Variants in MMD2 observed in about 807,000 individuals in gnomAD.
MMD2 encodes the protein monocyte to macrophage differentiation associated 2.
A neutral mutation model predicts 33.5 loss-of-function variants in MMD2; 30 were observed. The ratio of observed to expected loss-of-function variants is 0.90; its 90% CI spans 0.67 to 1.22. The LOEUF is 1.22. MMD2 is among the 50% of genes most tolerant of loss of function. The pLI is 0.00. For missense variants in MMD2, 364 were observed against 325.4 expected (o/e 1.12, Z -0.91); for synonymous variants, 129 against 123.0 (o/e 1.05, Z -0.32).
rs1316728396 is a variant in MMD2, at chr7:4,906,447, A to G, written c.*949T>C. On this transcript the variant is annotated 3_prime_UTR_variant, in exon 7 of 7. Transcript: ENST00000401401. ...AAGAGAGAATCCAAATGTTGGCATC[A>G]CAAACCTTAAGTATGGAGCAGGGAG... 1 of 398,564 alleles carries G rather than the reference A, an allele frequency of 2.5e-6. No individual in the cohort carries two copies. The highest frequency in any genetic ancestry group is 2.1e-5 in the African/African-American group (1 of 48,656). 24.7% of individuals were successfully genotyped at this position (398,564 alleles called of 1,614,324 possible).
At chr7:4,925,969 C>T (rs535646204) in intron 1 of MMD2, among the ~76,000 whole-genome samples, 5 of 152,070 alleles carry the variant, frequency 3.3e-5, no homozygotes, top group African/African-American at 1.2e-4. Flanking sequence ...CCACGCCAGG[C>T]TAATTCTTGT....
At chr7:4,896,578 T>C in the MMD2 span, among the ~76,000 whole-genome samples, 2 of 152,174 alleles carry the variant, frequency 1.3e-5, no homozygotes, top group Non-Finnish European at 2.9e-5. Flanking sequence ...TGCATGAACA[T>C]GCTTTCAACT....
At chr7:4,895,234 G>A in the MMD2 span, among the ~76,000 whole-genome samples, 1 of 151,998 alleles carries the variant, frequency 6.6e-6, no homozygotes, top group African/African-American at 2.4e-5. Context: ...CCACCACCAT[G>A]CCTGGCTAAT....
chr7:4,898,679 C>T, the MMD2 span, among the ~76,000 whole-genome samples: 1 of 152,176 alleles, frequency 6.6e-6, no homozygotes. Flanking sequence ...GTGGGCAGAT[C>T]ACTTGAGGTC....
At chr7:4,927,577 C>CA (rs1209530368) in intron 1 of MMD2, among the ~76,000 whole-genome samples, 2 of 151,816 alleles carry the variant, frequency 1.3e-5, no homozygotes, top group African/African-American at 2.4e-5. Context: ...CGTGGTGCCA[C>CA]AGGCCTGTAA....
chr7:4,902,916 A>C (rs1037005887), downstream of MMD2, among the ~76,000 whole-genome samples: 1 of 152,162 alleles, frequency 6.6e-6, no homozygotes, highest in African/African-American at 2.4e-5. Flanking sequence ...GGTAGAAGGA[A>C]ATGCTCTGTA....
chr7:4,957,932 G>C (rs1786431987), intron 1 of MMD2, among the ~76,000 whole-genome samples: 3 of 152,176 alleles, frequency 2.0e-5, no homozygotes, highest in South Asian at 4.1e-4. Context: ...AACTTGTGGA[G>C]ACTTCAGGAG....
At position 4,958,974 on chromosome 7, in the gene MMD2, G is replaced by C. The variant is rs1224422691; in HGVS notation, c.44C>G (p.Ala15Gly). 4 of 1,285,716 alleles carry C rather than the reference G, an allele frequency of 3.1e-6. No homozygotes were observed. Among genetic ancestry groups the C allele is most frequent in the Non-Finnish European group, 4.0e-6 (4 of 1,010,002 alleles). 79.6% of individuals were successfully genotyped at this position (1,285,716 alleles called of 1,614,324 possible). Residue 15 changes from alanine to glycine, a missense_variant, in exon 1 of 7, where the codon GCG becomes GGG. Transcript: ENST00000401401. ...RLLDFQKTKY[A>G]RFMNHRVPAH... is the part of the protein sequence containing the mutation. ...GACCTCCGCGGCCGCCGCTCACCTC[G>C]CGTATTTCGTCTTCTGGAAATCCAG...
intron 3 of MMD2, 48 bp downstream of exon 3, chr7:4,920,123 C>A: frequency 6.5e-7 from 1 of 1,540,338 alleles, no homozygotes; most frequent in Non-Finnish European, 8.8e-7. Flanking sequence ...ATGGGTCCCC[C>A]TGCCCCGACC....
intron 5 of MMD2, among the ~76,000 whole-genome samples, chr7:4,910,659 T>C (rs4720442): frequency 0.69 from 104,382 of 151,776 alleles, 37,397 homozygotes; most frequent in African/African-American, 0.9. Flanking sequence ...GACAGAGTCT[T>C]GCTCTGTCGC....
chr7:4,951,010 G>A (rs1449547232), intron 1 of MMD2, among the ~76,000 whole-genome samples: 1 of 152,076 alleles, frequency 6.6e-6, no homozygotes, highest in Non-Finnish European at 1.5e-5. Context: ...ACAGCGCCCG[G>A]CCTAAATTTC....
In MMD2 at chr7:4,915,985, G is replaced by A. The variant is rs746531578; in HGVS notation, c.365+20C>T. ...AAGAAAGGCCGCCAAGGGTTTGCTG[G>A]GCGGCGGGACGGTACTCACCAGGGT... On this transcript the variant is annotated intron_variant, in intron 4 of 6. Coordinates refer to ENST00000401401, the MANE Select transcript of MMD2 (RefSeq NM_198403.4). The A allele has an allele frequency of 5.0e-6, 8 of 1,612,426 alleles. No individual in the cohort carries two copies. The highest frequency in any genetic ancestry group is 6.8e-6 in the Non-Finnish European group (8 of 1,178,888).
At chr7:4,915,500 G>C (rs925617175) in intron 4 of MMD2, among the ~76,000 whole-genome samples, 3 of 151,990 alleles carry the variant, frequency 2.0e-5, no homozygotes, top group Non-Finnish European at 4.4e-5. Context: ...AACACTTTGG[G>C]AGGCTGAGGT....
chr7:4,913,852 G>A (rs946635192), intron 4 of MMD2, among the ~76,000 whole-genome samples: 2 of 151,720 alleles, frequency 1.3e-5, no homozygotes, highest in South Asian at 4.2e-4. Context: ...TAGTAGAGAC[G>A]GGGTTTCACC....
At chr7:4,908,441 C>T (rs557696918) in intron 6 of MMD2, among the ~76,000 whole-genome samples, 12 of 151,970 alleles carry the variant, frequency 7.9e-5, no homozygotes, top group Admixed American at 7.2e-4. Flanking sequence ...TGCGCCTGGC[C>T]TATAGCTTAT....
chr7:4,944,048 C>G (rs1261975542), intron 1 of MMD2, among the ~76,000 whole-genome samples: 2 of 151,924 alleles, frequency 1.3e-5, no homozygotes, highest in African/African-American at 4.8e-5. Context: ...ATCTTCCCAC[C>G]TCAGCCTCCC....
At chr7:4,943,736 A>AT (rs1785975876) in intron 1 of MMD2, among the ~76,000 whole-genome samples, 1 of 152,116 alleles carries the variant, frequency 6.6e-6, no homozygotes, top group South Asian at 2.1e-4. Context: ...GACACTTCAC[A>AT]AACTGCCTTG....
chr7:4,955,749 G>A (rs1443919517), intron 1 of MMD2, among the ~76,000 whole-genome samples: 1 of 152,106 alleles, frequency 6.6e-6, no homozygotes, highest in Non-Finnish European at 1.5e-5. Context: ...TAAACTGAGT[G>A]TCTACTAGAA....
intron 1 of MMD2, among the ~76,000 whole-genome samples, chr7:4,951,342 C>T (rs2942550): frequency 0.67 from 102,327 of 151,682 alleles, 34,660 homozygotes; most frequent in South Asian, 0.73. Context: ...GAACAGTGGT[C>T]GGGTGTGCTC....
Sources: allele counts gnomAD v4.1 joint callset (sites outside exome capture counted in the v4.1 genomes callset), GRCh38; gene constraint gnomAD v4.1.1; transcripts MANE v1.5; gene names NCBI Gene and HGNC (gene_info 2026-07-23, HGNC 2026-07-21).